Variants in MPP7 observed in about 807,000 individuals in gnomAD.
MPP7 encodes MAGUK p55 subfamily member 7.
Under a neutral mutation model 76.5 loss-of-function variants are expected in MPP7, and 60 were observed. That is an observed-to-expected ratio of 0.78 (90% CI 0.64 to 0.97). The LOEUF is 0.97. Among genes scored for constraint, MPP7 ranks in the 50% least tolerant of loss-of-function variants. The pLI is 0.00. For synonymous variants in MPP7, 237 were observed against 244.5 expected, an observed-to-expected ratio of 0.97 and a Z score of 0.29; for missense variants, 641 against 694.0, an observed-to-expected ratio of 0.92 and a Z score of 0.86.
intron 3 of MPP7, among the ~76,000 whole-genome samples, chr10:28,194,010 T>C (rs1248139041): frequency 5.9e-5 from 9 of 152,082 alleles, no homozygotes. Flanking sequence ...TTCTTTTTGT[T>C]TGTTTGTTTT....
intron 2 of MPP7, among the ~76,000 whole-genome samples, chr10:28,327,231 TAAAA>T (rs59442840): frequency 0.1 from 9,525 of 95,648 alleles, 311 homozygotes; most frequent in South Asian, 0.17. Flanking sequence ...GTCAAAGAAG[TAAAA>T]AAAAAAAAAA....
intron 3 of MPP7, among the ~76,000 whole-genome samples, chr10:28,166,398 T>A (rs10826411): frequency 6.9e-6 from 1 of 145,740 alleles, no homozygotes; most frequent in Non-Finnish European, 1.5e-5. Flanking sequence ...TTTTACCTTT[T>A]AATTTTTTTT....
chr10:28,100,803 A>G (rs994930802), intron 11 of MPP7, among the ~76,000 whole-genome samples: 2 of 152,168 alleles, frequency 1.3e-5, no homozygotes, highest in Non-Finnish European at 2.9e-5. Context: ...CAATTTTCAA[A>G]GAAAAATATT....
intron 12 of MPP7, among the ~76,000 whole-genome samples, chr10:28,074,606 C>T (rs1852401614): frequency 6.6e-6 from 1 of 152,086 alleles, no homozygotes; most frequent in Non-Finnish European, 1.5e-5. Flanking sequence ...CTAAAGCAGC[C>T]TTTATCCTTC....
rs376512908 is a variant in MPP7 at position 28,131,683 on chromosome 10, G to A, written c.324C>T (p.Leu108=). The stretch of plus-strand genomic sequence containing the variant: ...TCTGAGCCACAGTATCATGTACAGA[G>A]AGCAAAGCCTGTAATATTCAAAGGT... The part of the protein sequence containing the change: ...LLSKPNVKAL[L]SVHDTVAQKN... The change falls in exon 6 of 17, where the codon CTC becomes CTT. Residue 108 remains leucine, a synonymous_variant. Coordinates refer to ENST00000683449, the MANE Select transcript of MPP7 (RefSeq NM_001318170.2). 26 of 1,575,842 alleles carry A rather than the reference G, an allele frequency of 1.6e-5. No individual in the cohort carries two copies. The South Asian group carries it at 3.0e-4, about 18-fold the overall frequency.
chr10:28,311,787 A>ACACACACAC (rs1564770204), intron 2 of MPP7, among the ~76,000 whole-genome samples: 1 of 137,900 alleles, frequency 7.3e-6, no homozygotes, highest in Non-Finnish European at 1.6e-5. Context: ...CACACACACA[A>ACACACACAC]ACACTGAGAT....
intron 8 of MPP7, 96 bp from the exon 9 acceptor site, chr10:28,120,764 A>G: frequency 1.1e-6 from 1 of 904,126 alleles, no homozygotes; most frequent in South Asian, 1.5e-5. Context: ...AAAATTTACA[A>G]GCTTGGGGCT....
chr10:28,189,442 G>A (rs1451501630), intron 3 of MPP7, among the ~76,000 whole-genome samples: 3 of 151,892 alleles, frequency 2.0e-5, no homozygotes, highest in Admixed American at 1.3e-4. Flanking sequence ...GGTGGCGCAC[G>A]CCTGTACTTC....
chr10:28,285,987 T>C (rs988527931), intron 1 of MPP7, among the ~76,000 whole-genome samples: 1 of 152,218 alleles, frequency 6.6e-6, no homozygotes, highest in African/African-American at 2.4e-5. Context: ...ATGGATGTGC[T>C]TATTTATTGT....
chr10:28,254,731 G>A (rs1250155938), intron 1 of MPP7: 3 of 152,144 alleles, frequency 2.0e-5, no homozygotes, highest in South Asian at 4.1e-4. Flanking sequence ...TAGATAGGAA[G>A]GGCTGAGAGG....
intron 1 of MPP7, among the ~76,000 whole-genome samples, chr10:28,248,650 T>C (rs1023440976): frequency 1.1e-4 from 17 of 152,244 alleles, no homozygotes; most frequent in Admixed American, 5.2e-4. Flanking sequence ...GGCATAATGA[T>C]GTTTCTGTCA....
At chr10:28,183,208 T>A (rs966073565) in intron 3 of MPP7, among the ~76,000 whole-genome samples, 1 of 152,098 alleles carries the variant, frequency 6.6e-6, no homozygotes, top group African/African-American at 2.4e-5. Context: ...AAGATGAAGG[T>A]TATCACTGGC....
At chr10:28,123,972 T>G in intron 8 of MPP7, 59 bp downstream of exon 8, 1 of 1,178,242 alleles carries the variant, frequency 8.5e-7, no homozygotes, top group East Asian at 2.3e-5. Flanking sequence ...TCTAAAAGTC[T>G]GAAATACAGT....
intron 11 of MPP7, 142 bp from the exon 12 acceptor site, chr10:28,089,983 C>G (rs925154317): frequency 7.0e-6 from 4 of 571,486 alleles, no homozygotes; most frequent in African/African-American, 1.9e-5. Context: ...GTTTTAGAGA[C>G]AGGGTCTCAC....
rs142533341 is a variant in MPP7, at chr10:28,163,862, G to C, written c.157-13803C>G. The stretch of plus-strand genomic sequence containing the variant: ...GGAGGCGGAGATCGCAGTGAGCCGA[G>C]GCCGCGCCACTGCACTCCAGCCTGG... On this transcript the variant is annotated intron_variant, in intron 3 of 16. Transcript: ENST00000683449. Among the ~76,000 whole-genome samples the C allele has an allele frequency of 8.6e-3, 1,290 of 149,324 alleles. 20 individuals carry two copies. Among genetic ancestry groups the C allele is most frequent in the East Asian group, 0.053 (266 of 5,062 alleles).
At chr10:28,191,723 C>T (rs1469733344) in intron 3 of MPP7, among the ~76,000 whole-genome samples, 1 of 152,238 alleles carries the variant, frequency 6.6e-6, no homozygotes, top group Non-Finnish European at 1.5e-5. Flanking sequence ...AAATAAGACT[C>T]ATTCCAGGTC....
At chr10:28,205,801 G>A (rs1459872997) in intron 2 of MPP7, among the ~76,000 whole-genome samples, 1 of 152,180 alleles carries the variant, frequency 6.6e-6, no homozygotes, top group Non-Finnish European at 1.5e-5. Context: ...CTTTGCTGTG[G>A]TTTGAATGTG....
chr10:28,155,529 T>G (rs556188435), intron 3 of MPP7, among the ~76,000 whole-genome samples: 1 of 145,152 alleles, frequency 6.9e-6, no homozygotes, highest in South Asian at 2.1e-4. Flanking sequence ...GCCCAGGAAG[T>G]GGAGGTTGCA....
At chr10:28,101,984 T>C (rs1448594161) in intron 11 of MPP7, among the ~76,000 whole-genome samples, 1 of 152,184 alleles carries the variant, frequency 6.6e-6, no homozygotes, top group Non-Finnish European at 1.5e-5. Flanking sequence ...TAATAATTCA[T>C]ATATATGCAA....
Sources: gnomAD v4.1 joint callset for allele counts (sites outside exome capture counted in the v4.1 genomes callset) on GRCh38, gnomAD v4.1.1 for gene constraint, MANE v1.5 for transcripts, NCBI Gene and HGNC (gene_info 2026-07-23, HGNC 2026-07-21) for gene names.